Variants in HERC2 observed in about 807,000 individuals in gnomAD.
HERC2 encodes the protein E3 ubiquitin-protein ligase HERC2.
A neutral mutation model predicts 537.7 loss-of-function variants in HERC2; 102 were observed. That is an observed-to-expected ratio of 0.19 (90% confidence interval 0.16 to 0.22). HERC2 has a LOEUF of 0.22. Ranked by LOEUF, HERC2 falls within the 10% of genes least tolerant of loss-of-function variation. HERC2 has a pLI of 1.00. For missense variants in HERC2, 4,236 were observed against 6,198.2 expected, an observed-to-expected ratio of 0.68 and a Z score of 10.63; for synonymous variants, 2,224 against 2,466.2, an observed-to-expected ratio of 0.90 and a Z score of 2.91.
At chr15:28,247,043 G>C in intron 21 of HERC2, 146 bp from the exon 22 acceptor site, 1 of 690,754 alleles carries the variant, frequency 1.4e-6, no homozygotes, top group Non-Finnish European at 2.4e-6. Flanking sequence ...CCTTGTCCTT[G>C]CGCTCTTTCT....
intron 51 of HERC2, 41 bp downstream of exon 51, chr15:28,196,420 T>C (rs746606606): frequency 1.3e-6 from 2 of 1,564,896 alleles, no homozygotes; most frequent in Admixed American, 1.7e-5. Flanking sequence ...CAGAAAACCA[T>C]TCGTCCCAAA....
At position 28,182,661 on chromosome 15, in the gene HERC2, C is replaced by T; in HGVS notation, c.8826-149G>A. On this transcript the variant is annotated intron_variant, in intron 56 of 92. Transcript: ENST00000261609. ...AAATTTTGCTTTAATAGAAAAAAAC[C>T]TCAAGCATGTACAGGAGTAAGTCCT... The T allele has an allele frequency of 9.4e-6, 6 of 640,240 alleles. No individual in the cohort carries two copies. In the South Asian group the frequency reaches 1.3e-4, roughly 14 times the overall value. 39.7% of individuals were successfully genotyped at this position (640,240 alleles called of 1,614,324 possible).
In HERC2 at chr15:28,116,672, G is replaced by A. The variant is rs774028526; in HGVS notation, c.13602C>T (p.Arg4534=). ...ARAPVHSSMF[R]FLGVLLGIAI... is the part of the protein sequence containing the mutation. The stretch of plus-strand genomic sequence containing the variant: ...AGCGGCCGAGAAGCTCACCCAGGAA[G>A]CGGAACATGCTGCTGTGCACGGGTG... Residue 4534 remains arginine (R), a synonymous_variant, in exon 88 of 93, where the codon CGC becomes CGT. Transcript: ENST00000261609. 1.1e-5 allele frequency: 17 copies of A among 1,607,370 alleles called. No individual in the cohort carries two copies. Among genetic ancestry groups the A allele is most frequent in the Non-Finnish European group, 1.4e-5 (16 of 1,175,962 alleles).
At chr15:28,301,722 G>A (rs1320222137) in intron 2 of HERC2, among the ~76,000 whole-genome samples, 1 of 45,402 alleles carries the variant, frequency 2.2e-5, no homozygotes, top group Admixed American at 3.2e-4. Context: ...ATACACACTA[G>A]TTGTATGTAT....
chr15:28,246,968 A>G, intron 21 of HERC2, 71 bp from the exon 22 acceptor site: 2 of 1,318,772 alleles, frequency 1.5e-6, no homozygotes, highest in South Asian at 1.3e-5. Context: ...TAACTGCTCC[A>G]TGATGCTATT....
At chr15:28,308,810 T>C (rs530999546) in intron 2 of HERC2, among the ~76,000 whole-genome samples, 2 of 152,358 alleles carry the variant, frequency 1.3e-5, no homozygotes, top group African/African-American at 4.8e-5. Context: ...AATAATCACA[T>C]GGTTTTTATC....
At chr15:28,298,165 T>G (rs1484590755) in intron 3 of HERC2, among the ~76,000 whole-genome samples, 1 of 151,198 alleles carries the variant, frequency 6.6e-6, no homozygotes, top group Non-Finnish European at 1.5e-5. Context: ...TTGTTTTTTT[T>G]TTTTTTGAGA....
At chr15:28,196,602 T>C in intron 50 of HERC2, 33 bp from the exon 51 acceptor site, 1 of 1,236,942 alleles carries the variant, frequency 8.1e-7, no homozygotes, top group South Asian at 1.2e-5. Flanking sequence ...TGATCCATCT[T>C]CCTCTTCACC....
chr15:28,262,617 C>G (rs181386031), intron 15 of HERC2, among the ~76,000 whole-genome samples: 25 of 152,326 alleles, frequency 1.6e-4, no homozygotes, highest in African/African-American at 5.8e-4. Flanking sequence ...ACAGAGGGAA[C>G]CCTTACTGAG....
At position 28,230,449 on chromosome 15, in the gene HERC2, T is replaced by C. The variant is rs1901711200; in HGVS notation, c.4727A>G (p.Glu1576Gly). The C allele has an allele frequency of 7.0e-7, 1 of 1,424,246 alleles. No individual in the cohort carries two copies. 88.2% of individuals were successfully genotyped at this position (1,424,246 alleles called of 1,614,324 possible). Residue 1576 changes from glutamate (E) to glycine (G), a missense_variant, in exon 31 of 93, where the codon GAG (glutamate) becomes GGG (glycine). Physicochemically the swap from Glu to Gly is moderately conservative, Grantham distance 98. Coordinates refer to ENST00000261609, the MANE Select transcript of HERC2 (RefSeq NM_004667.6). ...TDDEEKIGNEESDLEEACILP... is the reference protein window; with the variant it reads ...TDDEEKIGNEGSDLEEACILP... ...AATGCAAGCTTCTTCTAAATCACTC[T>C]CTTCGTTTCCAATTTTTTCTTCATC...
At chr15:28,219,590 A>G (rs1900299677) in intron 37 of HERC2, among the ~76,000 whole-genome samples, 1 of 152,208 alleles carries the variant, frequency 6.6e-6, no homozygotes, top group Admixed American at 6.5e-5. Flanking sequence ...TGACGTGTCA[A>G]AGATGGTGGT....
chr15:28,299,054 A>C (rs2269900), intron 3 of HERC2, among the ~76,000 whole-genome samples: 111 of 152,324 alleles, frequency 7.3e-4, no homozygotes, highest in African/African-American at 2.5e-3. Flanking sequence ...TATGAACAAC[A>C]TAATGATAGT....
intron 35 of HERC2, among the ~76,000 whole-genome samples, chr15:28,224,784 G>A (rs1358986195): frequency 6.6e-6 from 1 of 152,016 alleles, no homozygotes; most frequent in East Asian, 1.9e-4. Context: ...AATTTAAACA[G>A]ACTAAAATCA....
rs568148486 is a variant in HERC2 at position 28,174,645 on chromosome 15, A to G, written c.9832-25T>C. ...CCTGTTTACGAGGAGAAAAAAGCTT[A>G]TAATTTTTCAACATTTCAGGACATT... On this transcript the variant is annotated intron_variant, in intron 64 of 92. Transcript: ENST00000261609. 1.7e-5 allele frequency: 25 copies of G among 1,444,736 alleles called. No homozygotes were observed. In the South Asian group the frequency reaches 2.2e-4, roughly 12 times the overall value. 89.5% of individuals were successfully genotyped at this position (1,444,736 alleles called of 1,614,324 possible).
In HERC2 at chr15:28,167,760, C is replaced by T. The variant is rs200158883; in HGVS notation, c.10481G>A (p.Arg3494Gln). Residue 3494 changes from arginine (R) to glutamine (Q), a missense_variant, in exon 68 of 93, where the codon CGG becomes CAG. Transcript: ENST00000261609. ...GTCATCCGTCACTGGGATAAAAGGC[C>T]GAGCGGAGGCTGAGGGGGCCGACGG... is the stretch of plus-strand genomic sequence containing the variant. ...VTPSAPSASA[R>Q]PFIPVTDDLG... The T allele has an allele frequency of 2.5e-6, 4 of 1,614,134 alleles. No individual in the cohort carries two copies. Among genetic ancestry groups the T allele is most frequent in the East Asian group, 2.2e-5 (1 of 44,876 alleles).
At chr15:28,245,273 G>C (rs1377813437) in intron 23 of HERC2, among the ~76,000 whole-genome samples, 1 of 152,070 alleles carries the variant, frequency 6.6e-6, no homozygotes, top group Non-Finnish European at 1.5e-5. Context: ...ATAGCCGGGC[G>C]CAGTGGCTCA....
At chr15:28,237,982 A>G in intron 25 of HERC2, 132 bp downstream of exon 25, 2 of 773,970 alleles carry the variant, frequency 2.6e-6, no homozygotes, top group Non-Finnish European at 2.4e-6. Context: ...CTTCTAAAGG[A>G]TCTTTATATT....
chr15:28,245,183 C>A (rs1903534577), intron 23 of HERC2, among the ~76,000 whole-genome samples: 1 of 152,136 alleles, frequency 6.6e-6, no homozygotes, highest in East Asian at 1.9e-4. Flanking sequence ...CTTCTGGAGG[C>A]ACCAGGACTT....
chr15:28,273,198 A>C, intron 7 of HERC2, 194 bp from the exon 8 acceptor site: 1 of 608,620 alleles, frequency 1.6e-6, no homozygotes, highest in Non-Finnish European at 2.9e-6. Context: ...ACACAACTAT[A>C]TTTTATTTAA....
Sources: allele counts gnomAD v4.1 joint callset (sites outside exome capture counted in the v4.1 genomes callset), GRCh38; gene constraint gnomAD v4.1.1; transcripts MANE v1.5; gene names NCBI Gene and HGNC (gene_info 2026-07-23, HGNC 2026-07-21).